GRIA1: variants seen among roughly 807,000 people sequenced by gnomAD.
GRIA1 encodes glutamate ionotropic receptor AMPA type subunit 1.
In GRIA1, 31 loss-of-function variants were observed where a neutral mutation model predicts 99.2. The observed-to-expected ratio is 0.31, with a 90% CI of 0.23 to 0.42. GRIA1 has a LOEUF of 0.42. Ranked by LOEUF, GRIA1 falls within the 10% of genes least tolerant of loss-of-function variation. GRIA1 has a pLI of 1.00. For synonymous variants in GRIA1, 438 were observed against 432.4 expected (o/e 1.01, Z -0.16); for missense variants, 782 against 1,157.5 (o/e 0.68, Z 4.71).
intron 14 of GRIA1, among the ~76,000 whole-genome samples, chr5:153,801,298 C>A (rs1271619439): frequency 7.0e-6 from 1 of 143,098 alleles, no homozygotes; most frequent in Non-Finnish European, 1.5e-5. Flanking sequence ...CTTCCTCTGG[C>A]TCCACAGGGT....
At chr5:153,612,248 G>A (rs189734078) in intron 2 of GRIA1, among the ~76,000 whole-genome samples, 2 of 152,352 alleles carry the variant, frequency 1.3e-5, no homozygotes, top group African/African-American at 2.4e-5. Flanking sequence ...AGGAGAGAGT[G>A]CCTATAATGA....
chr5:153,686,112 A>T (rs1471620188), intron 7 of GRIA1, 113 bp from the exon 8 acceptor site: 2 of 793,646 alleles, frequency 2.5e-6, no homozygotes, highest in East Asian at 4.9e-5. Flanking sequence ...GGATACTCCA[A>T]GACATCATTC....
At chr5:153,527,470 G>A (rs1356799363) in intron 2 of GRIA1, among the ~76,000 whole-genome samples, 1 of 152,194 alleles carries the variant, frequency 6.6e-6, no homozygotes, top group Non-Finnish European at 1.5e-5. Flanking sequence ...ACACTTGACT[G>A]GATTAAGGAA....
intron 13 of GRIA1, among the ~76,000 whole-genome samples, chr5:153,773,272 A>T (rs1386736277): frequency 6.6e-6 from 1 of 152,230 alleles, no homozygotes; most frequent in East Asian, 1.9e-4. Flanking sequence ...TAGAAGCCAG[A>T]TTTCAAGCCC....
At chr5:153,665,857 T>TA (rs1755706881) in intron 5 of GRIA1, among the ~76,000 whole-genome samples, 1 of 152,224 alleles carries the variant, frequency 6.6e-6, no homozygotes, top group South Asian at 2.1e-4. Context: ...GCCTTTTCCC[T>TA]AACCTAATAT....
At chr5:153,614,418 A>G (rs1338236699) in intron 2 of GRIA1, among the ~76,000 whole-genome samples, 4 of 152,332 alleles carry the variant, frequency 2.6e-5, no homozygotes, top group Middle Eastern at 3.4e-3. Context: ...ACAGTGTCCT[A>G]TGATTTTTAT....
At chr5:153,618,810 G>A (rs1161127739) in intron 2 of GRIA1, among the ~76,000 whole-genome samples, 1 of 152,186 alleles carries the variant, frequency 6.6e-6, no homozygotes, top group Admixed American at 6.6e-5. Flanking sequence ...TTTATTACCT[G>A]TGACACTACT....
Position 153,533,523 on chromosome 5 carries a change from C to T in GRIA1, c.220+39458C>T, listed in dbSNP as rs200011136. Among the ~76,000 whole-genome samples, 10 of 152,178 alleles carry T rather than the reference C, an allele frequency of 6.6e-5. No homozygotes were observed. The East Asian group carries it at 1.2e-3, about 18-fold the overall frequency. On this transcript the variant is annotated intron_variant, in intron 2 of 15. Transcript: ENST00000285900. ...CATTTTTATGCCAAAAGTCCATTTC[C>T]CACTCTTTAAACCCCTTCACCTCTT...
chr5:153,691,712 C>T (rs1400927497), intron 8 of GRIA1, among the ~76,000 whole-genome samples: 1 of 152,142 alleles, frequency 6.6e-6, no homozygotes, highest in Non-Finnish European at 1.5e-5. Context: ...CATAGCATCT[C>T]AGATATAGCC....
chr5:153,729,194 T>G (rs1275307994), intron 11 of GRIA1, among the ~76,000 whole-genome samples: 2 of 132,840 alleles, frequency 1.5e-5, no homozygotes, highest in East Asian at 2.2e-4. Context: ...TGAGAACACA[T>G]GGACATAGGA....
intron 2 of GRIA1, among the ~76,000 whole-genome samples, chr5:153,563,667 A>G (rs1353748174): frequency 1.3e-5 from 2 of 152,104 alleles, no homozygotes; most frequent in African/African-American, 2.4e-5. Flanking sequence ...AAAAACATCT[A>G]TTTTCTCTGG....
chr5:153,708,920 A>G (rs2149524785), intron 11 of GRIA1, among the ~76,000 whole-genome samples: 1 of 152,338 alleles, frequency 6.6e-6, no homozygotes, highest in East Asian at 1.9e-4. Flanking sequence ...CTTGAGATGG[A>G]CTTTTTTTAA....
At chr5:153,576,935 TGGATG>T (rs1279041961) in intron 2 of GRIA1, among the ~76,000 whole-genome samples, 2 of 21,098 alleles carry the variant, frequency 9.5e-5, no homozygotes, top group Non-Finnish European at 2.1e-4. Flanking sequence ...ATTGGATGGA[TGGATG>T]GATGGATGGA....
At chr5:153,745,113 C>T (rs764570482) in intron 11 of GRIA1, among the ~76,000 whole-genome samples, 1 of 152,186 alleles carries the variant, frequency 6.6e-6, no homozygotes, top group Non-Finnish European at 1.5e-5. Context: ...TTTGCTCTTC[C>T]TGTTTCCACT....
intron 2 of GRIA1, among the ~76,000 whole-genome samples, chr5:153,543,291 T>C (rs1759304549): frequency 6.6e-6 from 1 of 152,178 alleles, no homozygotes; most frequent in Non-Finnish European, 1.5e-5. Flanking sequence ...ATGATGATAG[T>C]AACAAATGAG....
At chr5:153,783,406 C>G (rs566432802) in intron 13 of GRIA1, among the ~76,000 whole-genome samples, 1 of 152,198 alleles carries the variant, frequency 6.6e-6, no homozygotes, top group Non-Finnish European at 1.5e-5. Flanking sequence ...ATTACAGGAC[C>G]AGATGTGGTT....
intron 13 of GRIA1, among the ~76,000 whole-genome samples, chr5:153,792,921 G>A (rs1401041709): frequency 2.4e-4 from 36 of 152,176 alleles, no homozygotes. Flanking sequence ...CCAATGTGGG[G>A]TAAGCAAAAT....
At chr5:153,556,251 G>A (rs1421276606) in intron 2 of GRIA1, among the ~76,000 whole-genome samples, 2 of 151,116 alleles carry the variant, frequency 1.3e-5, no homozygotes, top group East Asian at 3.9e-4. Flanking sequence ...GCGAAAGTTG[G>A]TCCTTTTAGG....
intron 10 of GRIA1, 130 bp downstream of exon 10, chr5:153,699,203 C>T (rs779309376): frequency 1.5e-5 from 10 of 688,708 alleles, no homozygotes; most frequent in Non-Finnish European, 2.1e-5. Context: ...TGCTGCTGAA[C>T]AGATGAGTCA....
Sources: gnomAD v4.1 joint callset for allele counts (sites outside exome capture counted in the v4.1 genomes callset) on GRCh38, gnomAD v4.1.1 for gene constraint, MANE v1.5 for transcripts, NCBI Gene and HGNC (gene_info 2026-07-23, HGNC 2026-07-21) for gene names.